The following LMO1 variants were observed in gnomAD, a reference collection of about 807,000 sequenced individuals.
LMO1 encodes the protein LIM domain only 1.
LMO1 carries 10 observed loss-of-function variants against 18.0 expected under a neutral mutation model. The observed-to-expected ratio is 0.55, with a 90% confidence interval of 0.34 to 0.94. The LOEUF (loss-of-function observed/expected upper bound fraction) is 0.94, where lower values mean the gene tolerates loss of function less well. Ranked by LOEUF, LMO1 falls within the 40% of genes least tolerant of loss-of-function variation. LMO1 has a pLI of 0.02. For missense variants in LMO1, 183 were observed against 205.7 expected (o/e 0.89, Z 0.68); for synonymous variants, 77 against 77.9 (o/e 0.99, Z 0.06).
At chr11:8,245,116 G>A (rs1266043096) in intron 1 of LMO1, among the ~76,000 whole-genome samples, 2 of 152,182 alleles carry the variant, frequency 1.3e-5, no homozygotes, top group African/African-American at 4.8e-5. Context: ...TTTGTGGATG[G>A]GGAAACTGAG....
intron 1 of LMO1, among the ~76,000 whole-genome samples, chr11:8,236,551 G>C (rs1011189845): frequency 4.6e-5 from 7 of 152,008 alleles, no homozygotes; most frequent in African/African-American, 1.7e-4. Flanking sequence ...CTCATGTGCT[G>C]TGCTGCAGGG....
At chr11:8,247,226 T>C (rs980953598) in intron 1 of LMO1, among the ~76,000 whole-genome samples, 11 of 152,176 alleles carry the variant, frequency 7.2e-5, no homozygotes, top group African/African-American at 2.7e-4. Flanking sequence ...TAACAGTATG[T>C]GCATAATGCT....
upstream of LMO1, chr11:8,268,322 G>C (rs950361364): frequency 3.0e-6 from 3 of 992,168 alleles, no homozygotes; most frequent in Non-Finnish European, 4.1e-6. Context: ...GGGTGCTGAG[G>C]GCTCTGCCGC....
chr11:8,224,735 G>C lies in LMO1; in HGVS notation c.366-14C>G. Reference sequence around the variant, plus strand: ...CCCACACAAAATCTAGAAAATCCAAGCGAGAGAGAGAAGCCATGGGAAGGT... The same window carrying C: ...CCCACACAAAATCTAGAAAATCCAACCGAGAGAGAGAAGCCATGGGAAGGT... On this transcript the variant is annotated splice_polypyrimidine_tract_variant and intron_variant, in intron 3 of 3. Coordinates refer to ENST00000335790, the MANE Select transcript of LMO1 (RefSeq NM_002315.3). 1.3e-6 allele frequency: 2 copies of C among 1,554,080 alleles called. No homozygotes were observed. Among genetic ancestry groups the C allele is most frequent in the Non-Finnish European group, 1.8e-6 (2 of 1,138,732 alleles).
chr11:8,239,080 T>G (rs1000349420), intron 1 of LMO1, among the ~76,000 whole-genome samples: 2 of 152,202 alleles, frequency 1.3e-5, no homozygotes, highest in African/African-American at 4.8e-5. Flanking sequence ...CTGGGAAGTT[T>G]CAGGTCATGC....
chr11:8,260,999 C>T (rs1473331501), intron 1 of LMO1, among the ~76,000 whole-genome samples: 1 of 152,178 alleles, frequency 6.6e-6, no homozygotes, highest in Non-Finnish European at 1.5e-5. Flanking sequence ...CATCCAGAAC[C>T]TTTCTCCCTC....
chr11:8,263,606 TAG>T lies in LMO1; in HGVS notation c.-246_-245del, dbSNP rs2134592879. The T allele has an allele frequency of 7.3e-7, 1 of 1,360,566 alleles. No homozygotes were observed. Among genetic ancestry groups the T allele is most frequent in the Non-Finnish European group, 9.4e-7 (1 of 1,060,964 alleles). 84.3% of individuals were successfully genotyped at this position (1,360,566 alleles called of 1,614,324 possible). ...TTGGAAGGAACTACGAACTGCAATT[TAG>T]AGAGAGAGGGAGAGGGAGAGAGAAG... On this transcript the variant is annotated 5_prime_UTR_variant, in exon 1 of 4. Transcript: ENST00000335790.
chr11:8,229,511 C>A (rs1250765394), intron 2 of LMO1, among the ~76,000 whole-genome samples: 1 of 152,238 alleles, frequency 6.6e-6, no homozygotes, highest in Non-Finnish European at 1.5e-5. Context: ...GGTGCTGGGT[C>A]TCAGCCAAGG....
intron 1 of LMO1, among the ~76,000 whole-genome samples, chr11:8,237,496 G>A (rs1049218833): frequency 3.3e-5 from 5 of 152,190 alleles, no homozygotes; most frequent in South Asian, 2.1e-4. Flanking sequence ...TGCAGCAGGC[G>A]AGGCCTGAAC....
upstream of LMO1, chr11:8,268,466 C>A: frequency 2.1e-6 from 3 of 1,447,096 alleles, no homozygotes; most frequent in Non-Finnish European, 2.7e-6. Flanking sequence ...ACGGCTCCAG[C>A]CGGACTAGCG....
intron 1 of LMO1, among the ~76,000 whole-genome samples, chr11:8,237,774 T>C (rs1472144694): frequency 6.6e-6 from 1 of 152,218 alleles, no homozygotes; most frequent in East Asian, 1.9e-4. Context: ...TTGACTCTGG[T>C]GCTGCTCACC....
chr11:8,257,518 T>C (rs1284692735), intron 1 of LMO1, among the ~76,000 whole-genome samples: 1 of 152,226 alleles, frequency 6.6e-6, no homozygotes, highest in Admixed American at 6.5e-5. Flanking sequence ...GTCCAGCTGA[T>C]GTTTGCTGTA....
rs1847229937 is a variant in LMO1 at position 8,263,733 on chromosome 11, A to T, written c.-371T>A. 1 of 1,108,148 alleles carries T rather than the reference A, an allele frequency of 9.0e-7. No homozygotes were observed. The allele number at this position is 1,108,148 out of a possible 1,614,324, so 68.6% of individuals were successfully genotyped here. A position where few individuals can be genotyped will look rare whatever the true frequency, so the allele number is the denominator to read the frequency against. ...TTAATGTAATTGCATTTGATAGCTC[A>T]TAACCCTGTCTCTGGCAACGACACA... On this transcript the variant is annotated 5_prime_UTR_variant, in exon 1 of 4. An upstream start codon of the reference 5' UTR is lost. Transcript: ENST00000335790.
At chr11:8,227,453 C>A (rs1247362559) in intron 2 of LMO1, among the ~76,000 whole-genome samples, 2 of 152,204 alleles carry the variant, frequency 1.3e-5, no homozygotes, top group South Asian at 4.1e-4. Flanking sequence ...CAGGGGCAGA[C>A]TGAATCTTGG....
chr11:8,234,394 C>T (rs1460548288), intron 1 of LMO1, among the ~76,000 whole-genome samples: 2 of 152,064 alleles, frequency 1.3e-5, no homozygotes, highest in Non-Finnish European at 2.9e-5. Flanking sequence ...GACCCCAGAG[C>T]AGTCCACTAG....
chr11:8,263,753 G>C lies in LMO1; in HGVS notation c.-391C>G, dbSNP rs1225048583. 6 of 1,087,978 alleles carry C rather than the reference G, an allele frequency of 5.5e-6. No individual in the cohort carries two copies. Among genetic ancestry groups the C allele is most frequent in the Non-Finnish European group, 6.7e-6 (6 of 895,878 alleles). 67.4% of individuals were successfully genotyped at this position (1,087,978 alleles called of 1,614,324 possible). A position where few individuals can be genotyped will look rare whatever the true frequency, so the allele number is the denominator to read the frequency against. ...AGCTCATAACCCTGTCTCTGGCAAC[G>C]ACACAGCTTTCAGCCTCATAAAGTG... On this transcript the variant is annotated 5_prime_UTR_variant, in exon 1 of 4. Transcript: ENST00000335790.
intron 1 of LMO1, among the ~76,000 whole-genome samples, chr11:8,240,767 T>C (rs1389306110): frequency 6.6e-6 from 1 of 152,028 alleles, no homozygotes; most frequent in Non-Finnish European, 1.5e-5. Flanking sequence ...ACATTGGGTG[T>C]TGGGATTTCA....
chr11:8,259,697 G>A (rs1313075203), intron 1 of LMO1, among the ~76,000 whole-genome samples: 1 of 152,200 alleles, frequency 6.6e-6, no homozygotes, highest in Non-Finnish European at 1.5e-5. Flanking sequence ...GCCAGGAGAG[G>A]CCCCTGGGAT....
intron 1 of LMO1, among the ~76,000 whole-genome samples, chr11:8,260,998 C>G (rs1342205133): frequency 6.6e-6 from 1 of 152,150 alleles, no homozygotes; most frequent in African/African-American, 2.4e-5. Flanking sequence ...GCATCCAGAA[C>G]CTTTCTCCCT....
Sources: gnomAD v4.1 joint callset for allele counts (sites outside exome capture counted in the v4.1 genomes callset) on GRCh38, gnomAD v4.1.1 for gene constraint, MANE v1.5 for transcripts, NCBI Gene and HGNC (gene_info 2026-07-23, HGNC 2026-07-21) for gene names.